The following SGCZ variants were observed in gnomAD, a reference collection of about 807,000 sequenced individuals.
SGCZ encodes sarcoglycan zeta.
In SGCZ, 40 loss-of-function variants were observed where a neutral mutation model predicts 41.3. That is an observed-to-expected ratio of 0.97 (90% confidence interval 0.75 to 1.26). The LOEUF is 1.26. Among genes scored for constraint, SGCZ ranks in the 50% most tolerant of loss-of-function variants. The pLI is 0.00. For missense variants in SGCZ, 552 were observed against 369.8 expected (o/e 1.49, Z -4.04); for synonymous variants, 206 against 137.5 (o/e 1.50, Z -3.49).
At chr8:14,541,622 T>C (rs887558898) in intron 2 of SGCZ, among the ~76,000 whole-genome samples, 1 of 152,170 alleles carries the variant, frequency 6.6e-6, no homozygotes, top group Non-Finnish European at 1.5e-5. Context: ...AGTAGAATAA[T>C]ACATAATCCT....
At chr8:14,717,053 C>T (rs1480787835) in intron 1 of SGCZ, among the ~76,000 whole-genome samples, 2 of 151,872 alleles carry the variant, frequency 1.3e-5, no homozygotes, top group East Asian at 1.9e-4. Context: ...GAATAATGCT[C>T]GAACAATTCC....
At chr8:14,809,609 G>A (rs972481556) in intron 1 of SGCZ, among the ~76,000 whole-genome samples, 15 of 152,028 alleles carry the variant, frequency 9.9e-5, no homozygotes, top group Non-Finnish European at 2.9e-5. Flanking sequence ...GAGCACAGTA[G>A]AACAAATACT....
At chr8:14,565,602 A>G (rs955330324) in intron 1 of SGCZ, among the ~76,000 whole-genome samples, 1 of 152,126 alleles carries the variant, frequency 6.6e-6, no homozygotes, top group South Asian at 2.1e-4. Flanking sequence ...AAAATCTTTA[A>G]GGAAAAACAA....
chr8:14,433,562 A>C, intron 2 of SGCZ, among the ~76,000 whole-genome samples: 1 of 152,306 alleles, frequency 6.6e-6, no homozygotes, highest in East Asian at 1.9e-4. Flanking sequence ...CAAGGCCCCA[A>C]ACTAATCTGC....
intron 5 of SGCZ, among the ~76,000 whole-genome samples, chr8:14,133,625 C>T (rs1212965255): frequency 1.3e-5 from 2 of 152,128 alleles, no homozygotes; most frequent in African/African-American, 4.8e-5. Context: ...GTAAAAAACT[C>T]CTCAAAGATT....
intron 5 of SGCZ, among the ~76,000 whole-genome samples, chr8:14,134,094 G>T (rs1803123485): frequency 6.6e-6 from 1 of 152,100 alleles, no homozygotes. Context: ...TACAGCTACA[G>T]GTTATGTTAT....
chr8:14,210,250 G>C (rs531964473), intron 4 of SGCZ, among the ~76,000 whole-genome samples: 2 of 152,098 alleles, frequency 1.3e-5, no homozygotes, highest in African/African-American at 2.4e-5. Flanking sequence ...GTAGGGAAAG[G>C]GTTTTACAAT....
At chr8:14,525,253 C>T (rs1802911989) in intron 2 of SGCZ, among the ~76,000 whole-genome samples, 1 of 152,070 alleles carries the variant, frequency 6.6e-6, no homozygotes, top group African/African-American at 2.4e-5. Context: ...TCATCTTTAG[C>T]CAGGTGAAAC....
At position 14,824,328 on chromosome 8, in the gene SGCZ, T is replaced by A. The variant is rs142726297; in HGVS notation, c.40-269402A>T. ...CCGATTATTGGATCATTATACAACA[T>A]AGATTTGTATCAAAGAATCAAATTA... On this transcript the variant is annotated intron_variant, in intron 1 of 7. Coordinates refer to ENST00000382080, the MANE Select transcript of SGCZ (RefSeq NM_139167.4). Among the ~76,000 whole-genome samples, 4 of 152,122 alleles carry A rather than the reference T, an allele frequency of 2.6e-5. 1 individual carries two copies. In the South Asian group the frequency reaches 8.3e-4, roughly 31 times the overall value.
At chr8:14,127,930 C>T (rs908026351) in intron 5 of SGCZ, among the ~76,000 whole-genome samples, 9 of 152,116 alleles carry the variant, frequency 5.9e-5, no homozygotes, top group East Asian at 1.9e-4. Context: ...AACCTCCCCC[C>T]GCATCAAGTA....
At chr8:14,821,151 G>A (rs912307987) in intron 1 of SGCZ, among the ~76,000 whole-genome samples, 2 of 151,880 alleles carry the variant, frequency 1.3e-5, no homozygotes. Flanking sequence ...TGATGTCACA[G>A]AAATACAAAG....
Position 14,090,175 on chromosome 8 carries a change from C to T in SGCZ, c.*268G>A, listed in dbSNP as rs943066103. Reference sequence around the variant, plus strand: ...TGCTTCACTTCGCGTAGCAAAGGCACCTATGTTATTCTCCCTTTCGAGCAA... The same window carrying T: ...TGCTTCACTTCGCGTAGCAAAGGCATCTATGTTATTCTCCCTTTCGAGCAA... On this transcript the variant is annotated 3_prime_UTR_variant, in exon 8 of 8. Transcript: ENST00000382080. The T allele has an allele frequency of 4.3e-4, 130 of 300,190 alleles. No homozygotes were observed. The highest frequency in any genetic ancestry group is 6.6e-4 in the Non-Finnish European group (107 of 163,226). 18.6% of individuals were successfully genotyped at this position (300,190 alleles called of 1,614,324 possible). A position where few individuals can be genotyped will look rare whatever the true frequency, so the allele number is the denominator to read the frequency against.
intron 1 of SGCZ, among the ~76,000 whole-genome samples, chr8:14,687,439 G>A (rs1274819727): frequency 6.0e-5 from 9 of 150,926 alleles, no homozygotes; most frequent in African/African-American, 2.2e-4. Context: ...GTGAGAATAT[G>A]CGGTGTTTGG....
chr8:14,780,694 A>T (rs997867142), intron 1 of SGCZ, among the ~76,000 whole-genome samples: 4 of 152,340 alleles, frequency 2.6e-5, no homozygotes, highest in East Asian at 1.9e-4. Flanking sequence ...ATTAAAAAAA[A>T]TTTGAATATA....
At chr8:14,274,332 G>T (rs1800160597) in intron 3 of SGCZ, among the ~76,000 whole-genome samples, 1 of 152,076 alleles carries the variant, frequency 6.6e-6, no homozygotes, top group Non-Finnish European at 1.5e-5. Context: ...GCACTGTTAA[G>T]GTTTATTATT....
chr8:14,268,480 C>T (rs1281612851), intron 3 of SGCZ, among the ~76,000 whole-genome samples: 2 of 151,522 alleles, frequency 1.3e-5, no homozygotes, highest in East Asian at 1.9e-4. Context: ...TGCATATTTG[C>T]TATAACACAA....
In SGCZ at chr8:14,554,866, C is replaced by A. The variant is rs946697517; in HGVS notation, c.100G>T (p.Ala34Ser). ...TAAATTCCCACTGGGTAAAGTTGTG[C>A]ATTCTCAGTCCTTGGCAGGTTATTC... Reference protein sequence around the residue: ...QQNNLPRTENAQLYPVGIYGW... With the variant: ...QQNNLPRTENSQLYPVGIYGW... Residue 34 changes from alanine (A) to serine (S), a missense_variant, in exon 2 of 8, where the codon GCA (alanine) becomes TCA (serine). Physicochemically the swap from Ala to Ser is moderately conservative, Grantham distance 99 (BLOSUM62 1). Coordinates refer to ENST00000382080, the MANE Select transcript of SGCZ (RefSeq NM_139167.4). 1 of 1,612,822 alleles carries A rather than the reference C, an allele frequency of 6.2e-7. No individual in the cohort carries two copies. The highest frequency in any genetic ancestry group is 1.3e-5 in the African/African-American group (1 of 74,766).
intron 7 of SGCZ, among the ~76,000 whole-genome samples, chr8:14,094,484 C>T (rs567911908): frequency 7.2e-5 from 11 of 152,230 alleles, no homozygotes; most frequent in African/African-American, 2.6e-4. Context: ...TTTATGACTG[C>T]ACAGTATTCC....
intron 1 of SGCZ, among the ~76,000 whole-genome samples, chr8:14,786,171 A>G (rs973699862): frequency 6.6e-6 from 1 of 152,132 alleles, no homozygotes; most frequent in African/African-American, 2.4e-5. Flanking sequence ...AGAAAACATT[A>G]GTTCTCGTTT....
Sources: gnomAD v4.1 joint callset for allele counts (sites outside exome capture counted in the v4.1 genomes callset) on GRCh38, gnomAD v4.1.1 for gene constraint, MANE v1.5 for transcripts, NCBI Gene and HGNC (gene_info 2026-07-23, HGNC 2026-07-21) for gene names.